RNF17: variants seen among roughly 807,000 people sequenced by gnomAD.
The protein encoded by RNF17 is spermatogenesis associated 23.
In RNF17, 31 loss-of-function variants were observed where a neutral mutation model predicts 200.5. The ratio of observed to expected loss-of-function variants is 0.15; its 90% CI spans 0.12 to 0.21. The LOEUF is 0.21. Among genes scored for constraint, RNF17 ranks in the 10% least tolerant of loss-of-function variants. The pLI is 1.00. For missense variants in RNF17, 1,628 were observed against 1,905.1 expected (o/e 0.85, Z 2.71); for synonymous variants, 606 against 637.8 (o/e 0.95, Z 0.75).
chr13:24,870,529 A>G, intron 31 of RNF17, 42 bp from the exon 32 acceptor site: 3 of 1,567,908 alleles, frequency 1.9e-6, no homozygotes, highest in Non-Finnish European at 2.6e-6. Flanking sequence ...AATTCTTGAC[A>G]TTCCAGAATC....
At chr13:24,827,717 AC>A (rs149792483) in intron 16 of RNF17, among the ~76,000 whole-genome samples, 9,514 of 56,106 alleles carry the variant, frequency 0.17, 3,269 homozygotes, top group East Asian at 0.19. Context: ...AAAAAAAAAA[AC>A]AAAAAAAAAA....
At chr13:24,884,402 T>C (rs775833921), downstream of RNF17, 7 of 1,613,964 alleles carry the variant, frequency 4.3e-6, no homozygotes, top group South Asian at 1.1e-5. Flanking sequence ...TGCACTCACT[T>C]CCTTTCGAGT....
At chr13:24,883,234 G>A (rs113239817), downstream of RNF17, 511 of 1,613,936 alleles carry the variant, frequency 3.2e-4, 5 homozygotes, top group Middle Eastern at 4.3e-3. Context: ...TTATCCGACC[G>A]GATCTGTACT....
intron 25 of RNF17, among the ~76,000 whole-genome samples, chr13:24,858,658 C>T (rs1892776752): frequency 6.6e-6 from 1 of 150,666 alleles, no homozygotes; most frequent in Non-Finnish European, 1.5e-5. Flanking sequence ...ATTTATATTG[C>T]CATCATCATA....
At chr13:24,882,093 TATAGATACATCTATATAG>T (rs1953869508), downstream of RNF17, among the ~76,000 whole-genome samples, 2 of 16,320 alleles carry the variant, frequency 1.2e-4, no homozygotes, top group Non-Finnish European at 3.2e-4. Context: ...CATCTATATA[TATAGATACATCTATATAG>T]ATATATAGAT....
chr13:24,833,301 C>G (rs1889627224), intron 18 of RNF17, among the ~76,000 whole-genome samples: 1 of 152,130 alleles, frequency 6.6e-6, no homozygotes, highest in Non-Finnish European at 1.5e-5. Flanking sequence ...GATAGTATAT[C>G]TCTGATAATT....
At position 24,793,075 on chromosome 13, in the gene RNF17, T is replaced by G. The variant is rs1566140164; in HGVS notation, c.969T>G (p.Asn323Lys). The G allele has an allele frequency of 3.1e-6, 5 of 1,587,706 alleles. No homozygotes were observed. The highest frequency in any genetic ancestry group is 4.3e-6 in the Non-Finnish European group (5 of 1,167,726). ...CCCAAGAAAATGAAATTAGACAGAA[T>G]GTTCAAAAGAAATATAATAACAAAA... ...CYPQENEIRQ[N>K]VQKKYNNKKE... The change falls in exon 10 of 36, where the codon AAT becomes AAG. Residue 323 changes from asparagine to lysine, a missense_variant. Coordinates refer to ENST00000255324, the MANE Select transcript of RNF17 (RefSeq NM_031277.3).
At chr13:24,754,137 G>A in the RNF17 span, among the ~76,000 whole-genome samples, 1 of 150,334 alleles carries the variant, frequency 6.7e-6, no homozygotes, top group Non-Finnish European at 1.5e-5. Context: ...CAGCCTGGGC[G>A]ACAGAGCCAG....
In RNF17 at chr13:24,877,187, G is replaced by GT; in HGVS notation, c.4773+2dup. 1 of 1,606,898 alleles carries GT rather than the reference G, an allele frequency of 6.2e-7. No homozygotes were observed. The highest frequency in any genetic ancestry group is 8.5e-7 in the Non-Finnish European group (1 of 1,178,094). On this transcript the variant is annotated splice_donor_variant, in intron 34 of 35. Transcript: ENST00000255324. LOFTEE classifies it high-confidence loss of function. Reference sequence around the variant, plus strand: ...AAAACAACTCTATGCTGTGTCCATGGTAAGTGTCTCAAGTAGCCAAAATTA... The same window carrying GT: ...AAAACAACTCTATGCTGTGTCCATGGTTAAGTGTCTCAAGTAGCCAAAATTA...
chr13:24,880,913 C>T (rs1016413001), downstream of RNF17, among the ~76,000 whole-genome samples: 1 of 152,240 alleles, frequency 6.6e-6, no homozygotes, highest in African/African-American at 2.4e-5. Context: ...CTCATCAGTG[C>T]ATATCTCATT....
chr13:24,757,356 C>T, the RNF17 span, among the ~76,000 whole-genome samples: 1 of 149,556 alleles, frequency 6.7e-6, no homozygotes, highest in Non-Finnish European at 1.5e-5. Context: ...TGGAGTTTCA[C>T]TCTGTCACCC....
Position 24,876,982 on chromosome 13 carries a change from T to C in RNF17, c.4584-15T>C. 1 of 1,564,974 alleles carries C rather than the reference T, an allele frequency of 6.4e-7. No homozygotes were observed. The highest frequency in any genetic ancestry group is 8.6e-7 in the Non-Finnish European group (1 of 1,159,244). Reference sequence around the variant, plus strand: ...CCGGAAGAGAATTTTAATGTAAGAATTTCTTTTGTGACAGACTGTGCCAAA... The same window carrying C: ...CCGGAAGAGAATTTTAATGTAAGAACTTCTTTTGTGACAGACTGTGCCAAA... On this transcript the variant is annotated splice_polypyrimidine_tract_variant and intron_variant, in intron 33 of 35. Coordinates refer to ENST00000255324, the MANE Select transcript of RNF17 (RefSeq NM_031277.3).
intron 28 of RNF17, among the ~76,000 whole-genome samples, chr13:24,863,561 T>C (rs533012272): frequency 4.6e-5 from 7 of 152,114 alleles, no homozygotes; most frequent in South Asian, 4.2e-4. Context: ...TGGGAAGATA[T>C]ATGGTAAGGA....
intron 18 of RNF17, among the ~76,000 whole-genome samples, chr13:24,833,973 C>T (rs1165059934): frequency 6.6e-6 from 1 of 152,146 alleles, no homozygotes; most frequent in Non-Finnish European, 1.5e-5. Context: ...AACCAAAGAA[C>T]TAAAGTTAAC....
chr13:24,830,205 T>A (rs769528905), intron 16 of RNF17, among the ~76,000 whole-genome samples: 7 of 152,310 alleles, frequency 4.6e-5, no homozygotes, highest in Admixed American at 3.3e-4. Context: ...AAAGCCTGAT[T>A]CTTAACTTTT....
At chr13:24,804,051 G>A (rs1885560109) in intron 14 of RNF17, 1 of 398,084 alleles carries the variant, frequency 2.5e-6, no homozygotes, top group African/African-American at 2.1e-5. Context: ...CAGTAGGGTC[G>A]CCTGAGCCCA....
At chr13:24,815,157 A>C (rs1010324527) in intron 15 of RNF17, among the ~76,000 whole-genome samples, 3 of 152,186 alleles carry the variant, frequency 2.0e-5, no homozygotes, top group African/African-American at 7.2e-5. Flanking sequence ...AACAATTTTA[A>C]GTCATCTTAT....
At chr13:24,807,108 T>A (rs1002708054) in intron 15 of RNF17, among the ~76,000 whole-genome samples, 7 of 151,770 alleles carry the variant, frequency 4.6e-5, no homozygotes, top group African/African-American at 1.7e-4. Flanking sequence ...ACAATAAACA[T>A]ACGTGTGCAT....
At chr13:24,821,228 A>G (rs1352133927) in intron 15 of RNF17, among the ~76,000 whole-genome samples, 1 of 152,116 alleles carries the variant, frequency 6.6e-6, no homozygotes, top group Non-Finnish European at 1.5e-5. Context: ...CATTGATCAT[A>G]CTGAATTAGG....
Sources: allele counts gnomAD v4.1 joint callset (sites outside exome capture counted in the v4.1 genomes callset), GRCh38; gene constraint gnomAD v4.1.1; transcripts MANE v1.5; gene names NCBI Gene and HGNC (gene_info 2026-07-23, HGNC 2026-07-21).